Variants in NHSL1 observed in about 807,000 individuals in gnomAD.
NHSL1 encodes NHS like 1, also known as NHS-like protein 1.
Under a neutral mutation model 95.0 loss-of-function variants are expected in NHSL1, and 48 were observed. That is an observed-to-expected ratio of 0.51 (90% CI 0.40 to 0.64). The LOEUF (loss-of-function observed/expected upper bound fraction) is 0.64. Ranked by LOEUF, NHSL1 falls within the 30% of genes least tolerant of loss-of-function variation. The pLI is 0.00. For missense variants in NHSL1, 1,971 were observed against 2,077.7 expected, an observed-to-expected ratio of 0.95 and a Z score of 1.00; for synonymous variants, 783 against 833.9, an observed-to-expected ratio of 0.94 and a Z score of 1.05.
At chr6:138,637,113 A>AT (rs1319013143) in intron 1 of NHSL1, among the ~76,000 whole-genome samples, 1 of 152,160 alleles carries the variant, frequency 6.6e-6, no homozygotes, top group Non-Finnish European at 1.5e-5. Context: ...CCGTTAATTC[A>AT]TTTTTTACAA....
In NHSL1 at chr6:138,424,649, T is replaced by C; in HGVS notation, c.4253A>G (p.Asn1418Ser). Residue 1418 changes from asparagine to serine, a missense_variant, in exon 8 of 8, where the codon AAC (asparagine) becomes AGC (serine). Around this residue, in one of 3 missense-constraint regions of NHSL1, gnomAD observed 146 missense variants for 206.3 expected, o/e 0.71. Transcript: ENST00000343505. This position sits in a 1 kb window ranked among gnomAD's most constrained non-coding sequence, Gnocchi z 5.9. ...CTTTTTCAGCAGCAGAGCTTTGAAG[T>C]TGTCACTGCTGGTGCTGCTCTTTCG... ...SIRKSSTSSD[N>S]FKALLLKKGS... The C allele has an allele frequency of 1.3e-6, 2 of 1,551,568 alleles. No homozygotes were observed. Among genetic ancestry groups the C allele is most frequent in the Non-Finnish European group, 1.7e-6 (2 of 1,146,958 alleles).
At chr6:138,540,267 G>T (rs1164964894) in intron 1 of NHSL1, among the ~76,000 whole-genome samples, 1 of 152,182 alleles carries the variant, frequency 6.6e-6, no homozygotes, top group African/African-American at 2.4e-5. Flanking sequence ...CTAAATGTAT[G>T]ATAGTAAAAT....
At chr6:138,564,829 G>C (rs1311417329) in intron 1 of NHSL1, among the ~76,000 whole-genome samples, 1 of 152,188 alleles carries the variant, frequency 6.6e-6, no homozygotes, top group African/African-American at 2.4e-5. Context: ...GAGGATGTTA[G>C]AGAAGACTTC....
chr6:138,688,029 A>G (rs1348791665), intron 1 of NHSL1, among the ~76,000 whole-genome samples: 2 of 151,964 alleles, frequency 1.3e-5, no homozygotes, highest in Admixed American at 6.6e-5. Context: ...TCGGGTCACT[A>G]CAATATCCAC....
chr6:138,572,081 A>C, exon 1 of NHSL1: 1 of 585,652 alleles, frequency 1.7e-6, no homozygotes, highest in Non-Finnish European at 3.0e-6. Flanking sequence ...CCAATTAAAA[A>C]GAAAGGGAAA....
intron 1 of NHSL1, among the ~76,000 whole-genome samples, chr6:138,540,388 A>G (rs1782533273): frequency 6.6e-6 from 1 of 152,250 alleles, no homozygotes; most frequent in South Asian, 2.1e-4. Flanking sequence ...CTCACTGATT[A>G]TCTGATAGCT....
chr6:138,440,599 T>C (rs1466969782), intron 5 of NHSL1, among the ~76,000 whole-genome samples: 2 of 152,250 alleles, frequency 1.3e-5, no homozygotes, highest in African/African-American at 2.4e-5. Context: ...CACCTGACTA[T>C]TGCTACAGCA....
intron 1 of NHSL1, among the ~76,000 whole-genome samples, chr6:138,683,761 G>A (rs1785542917): frequency 6.6e-6 from 1 of 152,354 alleles, no homozygotes; most frequent in South Asian, 2.1e-4. Flanking sequence ...CTTACCAGCT[G>A]TGAATGTGGG....
intron 1 of NHSL1, among the ~76,000 whole-genome samples, chr6:138,688,508 G>A (rs1785617550): frequency 6.6e-6 from 1 of 151,988 alleles, no homozygotes; most frequent in African/African-American, 2.4e-5. Context: ...GCCAGGCATG[G>A]TGGTGGGCAT....
Position 138,597,190 on chromosome 6 carries a change from AAACAGCGAATAGAATAC to A in NHSL1, c.96+95269_96+95285del, listed in dbSNP as rs550040694. On this transcript the variant is annotated intron_variant, in intron 1 of 3. Transcript: ENST00000491526. ...AGAAAAACAAAAAGTTAAGACCTGCAAACAGCGAATAGAATACAAAAGCCTAATTCAGTGCTGGCATA... is the reference window on the plus strand; with the variant it reads ...AGAAAAACAAAAAGTTAAGACCTGCAAAAAGCCTAATTCAGTGCTGGCATA... Among the ~76,000 whole-genome samples the A allele has an allele frequency of 2.6e-5, 4 of 152,298 alleles. No individual in the cohort carries two copies. In the South Asian group the frequency reaches 6.2e-4, roughly 24 times the overall value.
intron 1 of NHSL1, among the ~76,000 whole-genome samples, chr6:138,674,387 T>C (rs2114770197): frequency 6.6e-6 from 1 of 152,266 alleles, no homozygotes; most frequent in Non-Finnish European, 1.5e-5. Context: ...GCATGTGCCA[T>C]GGTGGTTTGC....
chr6:138,590,023 G>A (rs1784201260), intron 1 of NHSL1, among the ~76,000 whole-genome samples: 1 of 152,066 alleles, frequency 6.6e-6, no homozygotes, highest in Non-Finnish European at 1.5e-5. Context: ...TTTGAGACAG[G>A]GTCTCACTCT....
At chr6:138,468,382 G>T (rs1778527028) in intron 3 of NHSL1, among the ~76,000 whole-genome samples, 1 of 152,170 alleles carries the variant, frequency 6.6e-6, no homozygotes, top group Non-Finnish European at 1.5e-5. Flanking sequence ...CAGCCCCAAG[G>T]CCGTGCACTT....
chr6:138,499,396 T>A lies in NHSL1; in HGVS notation c.-106A>T. On this transcript the variant is annotated 5_prime_UTR_variant, in exon 1 of 8. In the 5' UTR this introduces an upstream ATG that the reference lacks. Transcript: ENST00000343505. ...TTCTGCTACAGATTCTAACTTTTTC[T>A]TCCCCCGGTCTCATATCCTTAGACA... 2 of 1,498,060 alleles carry A rather than the reference T, an allele frequency of 1.3e-6. No homozygotes were observed. The highest frequency in any genetic ancestry group is 2.5e-5 in the South Asian group (2 of 78,754). 92.8% of individuals were successfully genotyped at this position (1,498,060 alleles called of 1,614,324 possible).
rs1775651437 is a variant in NHSL1, at chr6:138,431,408, G to A, written c.2937C>T (p.Leu979=). 12 of 1,550,428 alleles carry A rather than the reference G, an allele frequency of 7.7e-6. No homozygotes were observed. The East Asian group carries it at 2.7e-4, about 35-fold the overall frequency. The change falls in exon 6 of 8, where the codon CTC becomes CTT. Residue 979 remains leucine (L), a synonymous_variant. Transcript: ENST00000343505. This position sits in a 1 kb window ranked among gnomAD's most constrained non-coding sequence, Gnocchi z 4.0. ...PVFPPPPPEA[L]IPFCSPPDWC... ...AATCAGGTGGGGAGCAGAAAGGAAT[G>A]AGAGCTTCTGGCGGCGGAGGGGGGA...
At chr6:138,639,797 CAAAA>C (rs56909767) in intron 1 of NHSL1, among the ~76,000 whole-genome samples, 443 of 22,472 alleles carry the variant, frequency 0.02, no homozygotes, top group East Asian at 0.058. Flanking sequence ...GACTCAGTCT[CAAAA>C]AAAAAAAAAA....
upstream of NHSL1, chr6:138,545,736 G>C: frequency 8.0e-7 from 1 of 1,248,222 alleles, no homozygotes; most frequent in Non-Finnish European, 1.0e-6. Context: ...AGCGCTCACT[G>C]CCAGAGAGCG....
At chr6:138,625,875 T>G (rs923673190) in intron 1 of NHSL1, among the ~76,000 whole-genome samples, 1 of 152,168 alleles carries the variant, frequency 6.6e-6, no homozygotes, top group Non-Finnish European at 1.5e-5. Flanking sequence ...ACTCTTGGCC[T>G]CAAGCAATCC....
At chr6:138,524,754 T>C (rs771925042) in intron 1 of NHSL1, among the ~76,000 whole-genome samples, 4 of 152,138 alleles carry the variant, frequency 2.6e-5, no homozygotes, top group Non-Finnish European at 5.9e-5. Flanking sequence ...TCAGGAGATA[T>C]TGCCAAAAAG....
Sources: gnomAD v4.1 joint callset for allele counts (sites outside exome capture counted in the v4.1 genomes callset) on GRCh38, gnomAD v4.1.1 for gene constraint, gnomAD v4.1.1 regional missense constraint, Gnocchi (gnomAD v3.1) non-coding constraint, MANE v1.5 for transcripts, NCBI Gene and HGNC (gene_info 2026-07-23, HGNC 2026-07-21) for gene names.